The following ZNRF2 variants were observed in gnomAD, a reference collection of about 807,000 sequenced individuals.
ZNRF2 encodes E3 ubiquitin-protein ligase ZNRF2.
Under a neutral mutation model 20.4 loss-of-function variants are expected in ZNRF2, and 16 were observed. The observed-to-expected ratio is 0.79, with a 90% CI of 0.53 to 1.19. The LOEUF (loss-of-function observed/expected upper bound fraction) is 1.19, where lower values mean the gene tolerates loss of function less well. ZNRF2 is among the 50% of genes most tolerant of loss of function. The pLI, the probability that ZNRF2 is intolerant of heterozygous loss-of-function variation, is 0.00. For missense variants in ZNRF2, 363 were observed against 332.4 expected (o/e 1.09, Z -0.72); for synonymous variants, 178 against 144.9 (o/e 1.23, Z -1.64).
Position 30,285,767 on chromosome 7 carries a change from G to A in ZNRF2, c.410G>A (p.Gly137Asp), listed in dbSNP as rs1250881912. 6.7e-7 allele frequency: 1 copy of A among 1,489,134 alleles called. No individual in the cohort carries two copies. Among genetic ancestry groups the A allele is most frequent in the Non-Finnish European group, 8.9e-7 (1 of 1,126,342 alleles). The allele number at this position is 1,489,134 out of a possible 1,614,324, so 92.2% of individuals were successfully genotyped here. A position where few individuals can be genotyped will look rare whatever the true frequency, so the allele number is the denominator to read the frequency against. ...GRDRPVGGSP[G>D]GPRLVIGSLP... ...GACCGGCCGGTGGGCGGGAGCCCCG[G>A]CGGGCCGCGCCTGGTGATCGGCTCC... The change falls in exon 1 of 5, where the codon GGC becomes GAC. Residue 137 changes from glycine to aspartate, a missense_variant. Gly to Asp is a moderately conservative substitution (Grantham distance 94). Transcript: ENST00000323037.
chr7:30,352,074 G>C (rs941960649), intron 2 of ZNRF2, among the ~76,000 whole-genome samples: 1 of 150,322 alleles, frequency 6.7e-6, no homozygotes, highest in African/African-American at 2.5e-5. Context: ...ATTTTGTATA[G>C]TGTTTTTTTA....
intron 2 of ZNRF2, among the ~76,000 whole-genome samples, chr7:30,336,954 G>T (rs1418108317): frequency 6.6e-6 from 1 of 152,076 alleles, no homozygotes; most frequent in Non-Finnish European, 1.5e-5. Context: ...CCCATAAATT[G>T]AATTTGGTTG....
At chr7:30,360,214 T>C (rs1800104982) in intron 3 of ZNRF2, among the ~76,000 whole-genome samples, 1 of 152,194 alleles carries the variant, frequency 6.6e-6, no homozygotes, top group African/African-American at 2.4e-5. Context: ...CTTCTTTCAT[T>C]GAGAAAGCCT....
At position 30,284,652 on chromosome 7, in the gene ZNRF2, G is replaced by C. The variant is rs1307658092; in HGVS notation, c.-706G>C. ...GCGCCGCTCCGCGGCCTTCCGGCGC[G>C]GGGCCGGGGAACCTCCTCCCCATCT... On this transcript the variant is annotated 5_prime_UTR_variant, in exon 1 of 5. Coordinates refer to ENST00000323037, the MANE Select transcript of ZNRF2 (RefSeq NM_147128.4). The C allele has an allele frequency of 6.5e-6, 1 of 153,258 alleles. No homozygotes were observed. Among genetic ancestry groups the C allele is most frequent in the Non-Finnish European group, 1.5e-5 (1 of 68,532 alleles). 9.5% of individuals were successfully genotyped at this position (153,258 alleles called of 1,614,324 possible).
At chr7:30,306,446 GA>G (rs1799207117) in intron 1 of ZNRF2, among the ~76,000 whole-genome samples, 1 of 152,096 alleles carries the variant, frequency 6.6e-6, no homozygotes, top group Non-Finnish European at 1.5e-5. Flanking sequence ...ACAAAGTCAG[GA>G]AGAATAAAAT....
intron 2 of ZNRF2, among the ~76,000 whole-genome samples, chr7:30,336,153 CATTTT>C (rs1799713574): frequency 6.6e-6 from 1 of 152,140 alleles, no homozygotes; most frequent in Admixed American, 6.6e-5. Flanking sequence ...GTTCAGCAAA[CATTTT>C]AGAGAAGATT....
At chr7:30,302,952 C>G (rs561503724) in intron 1 of ZNRF2, among the ~76,000 whole-genome samples, 3 of 152,090 alleles carry the variant, frequency 2.0e-5, no homozygotes, top group Non-Finnish European at 4.4e-5. Flanking sequence ...ACTTCAGTAA[C>G]GGAGCAAGTT....
chr7:30,290,837 A>C (rs1350525571), intron 1 of ZNRF2, among the ~76,000 whole-genome samples: 1 of 152,220 alleles, frequency 6.6e-6, no homozygotes, highest in African/African-American at 2.4e-5. Flanking sequence ...GCATATGGTT[A>C]AGTATAGCAT....
chr7:30,290,053 A>C (rs1019092872), intron 1 of ZNRF2, among the ~76,000 whole-genome samples: 10 of 152,194 alleles, frequency 6.6e-5, no homozygotes, highest in African/African-American at 2.4e-4. Context: ...TATTATGTAT[A>C]ATTGGGTATA....
chr7:30,361,363 T>G (rs191622383), intron 3 of ZNRF2, among the ~76,000 whole-genome samples: 8 of 152,364 alleles, frequency 5.3e-5, no homozygotes, highest in African/African-American at 1.9e-4. Context: ...CTTTTTAGTT[T>G]CATCTTATCA....
chr7:30,328,124 C>A, intron 2 of ZNRF2, among the ~76,000 whole-genome samples: 1 of 152,044 alleles, frequency 6.6e-6, no homozygotes, highest in East Asian at 1.9e-4. Flanking sequence ...TCTAATGCCA[C>A]CTGGTTTTAA....
chr7:30,299,742 A>C (rs954134784), intron 1 of ZNRF2, among the ~76,000 whole-genome samples: 9 of 151,354 alleles, frequency 5.9e-5, no homozygotes, highest in Non-Finnish European at 8.8e-5. Flanking sequence ...GTTATTGGCA[A>C]GAATGTGGTC....
intron 1 of ZNRF2, among the ~76,000 whole-genome samples, chr7:30,305,113 C>G (rs927492861): frequency 2.6e-5 from 4 of 152,132 alleles, no homozygotes; most frequent in African/African-American, 9.7e-5. Context: ...ACATCTCTTT[C>G]CTATTCTGTG....
At chr7:30,357,945 A>G (rs547804477) in intron 3 of ZNRF2, among the ~76,000 whole-genome samples, 1 of 152,322 alleles carries the variant, frequency 6.6e-6, no homozygotes, top group African/African-American at 2.4e-5. Flanking sequence ...CCAAAAACAT[A>G]TCAACAAACC....
At chr7:30,340,819 C>T (rs1020882303) in intron 2 of ZNRF2, among the ~76,000 whole-genome samples, 4 of 152,052 alleles carry the variant, frequency 2.6e-5, no homozygotes, top group Non-Finnish European at 5.9e-5. Context: ...AGGAATGGTA[C>T]CAGCTCCTCT....
At chr7:30,323,558 C>G (rs374045445) in intron 1 of ZNRF2, 84 bp from the exon 2 acceptor site, 3 of 909,648 alleles carry the variant, frequency 3.3e-6, no homozygotes, top group Admixed American at 2.8e-5. Flanking sequence ...AAGTTTCAAA[C>G]GCTTTTTGAT....
chr7:30,304,724 A>G (rs1000456782), intron 1 of ZNRF2, among the ~76,000 whole-genome samples: 14 of 152,158 alleles, frequency 9.2e-5, no homozygotes, highest in Admixed American at 9.2e-4. Context: ...TATTCATCAT[A>G]TAGACTTAGG....
intron 4 of ZNRF2, among the ~76,000 whole-genome samples, chr7:30,363,302 A>G (rs1401048773): frequency 1.3e-5 from 2 of 152,158 alleles, no homozygotes; most frequent in African/African-American, 4.8e-5. Context: ...TGTTGTAAGC[A>G]TTTTACATCT....
In ZNRF2 at chr7:30,285,259, G is replaced by A; in HGVS notation, c.-99G>A. The A allele has an allele frequency of 1.1e-6, 1 of 905,708 alleles. No homozygotes were observed. The highest frequency in any genetic ancestry group is 1.3e-6 in the Non-Finnish European group (1 of 742,708). 56.1% of individuals were successfully genotyped at this position (905,708 alleles called of 1,614,324 possible). A position where few individuals can be genotyped will look rare whatever the true frequency, so the allele number is the denominator to read the frequency against. On this transcript the variant is annotated 5_prime_UTR_variant, in exon 1 of 5. Coordinates refer to ENST00000323037, the MANE Select transcript of ZNRF2 (RefSeq NM_147128.4). ...GACGTGCGGGGGCCTCTCTGGGCCGGCCGCGGCGCCTGGGCCCTGCCCTCT... is the reference window on the plus strand; with the variant it reads ...GACGTGCGGGGGCCTCTCTGGGCCGACCGCGGCGCCTGGGCCCTGCCCTCT...
Sources: gnomAD v4.1 joint callset for allele counts (sites outside exome capture counted in the v4.1 genomes callset) on GRCh38, gnomAD v4.1.1 for gene constraint, MANE v1.5 for transcripts, NCBI Gene and HGNC (gene_info 2026-07-23, HGNC 2026-07-21) for gene names.